SPEF2: variants seen among roughly 807,000 people sequenced by gnomAD.
SPEF2 encodes the protein sperm flagellar and cilia associated 2.
In SPEF2, 187 loss-of-function variants were observed where a neutral mutation model predicts 224.6. The observed-to-expected ratio is 0.83, with a 90% CI of 0.74 to 0.94. SPEF2 has a LOEUF of 0.94. SPEF2 is among the 40% of genes least tolerant of loss of function. The pLI is 0.00. For missense variants in SPEF2, 2,170 were observed against 2,135.6 expected (o/e 1.02, Z -0.32); for synonymous variants, 715 against 707.3 (o/e 1.01, Z -0.17).
At chr5:35,749,434 G>T (rs1229818751) in intron 23 of SPEF2, among the ~76,000 whole-genome samples, 4 of 152,014 alleles carry the variant, frequency 2.6e-5, no homozygotes, top group Non-Finnish European at 5.9e-5. Flanking sequence ...CTGACGATAT[G>T]ATCGTTTACC....
At chr5:35,646,642 A>G (rs1747407624) in intron 4 of SPEF2, 25 bp from the exon 5 acceptor site, 5 of 1,604,918 alleles carry the variant, frequency 3.1e-6, no homozygotes, top group Non-Finnish European at 4.3e-6. Context: ...CTGAATCACT[A>G]AACTAATGTA....
intron 3 of SPEF2, among the ~76,000 whole-genome samples, chr5:35,642,570 C>T (rs1327204852): frequency 6.6e-6 from 1 of 152,128 alleles, no homozygotes; most frequent in Non-Finnish European, 1.5e-5. Flanking sequence ...TAGTACAATG[C>T]TTCAAATGTT....
intron 30 of SPEF2, chr5:35,790,764 A>T (rs1315149029): frequency 6.4e-6 from 1 of 155,544 alleles, no homozygotes; most frequent in Non-Finnish European, 1.4e-5. Flanking sequence ...TGATAGTTGC[A>T]TTAGGTAATT....
At chr5:35,620,759 C>T (rs1235626278) in intron 1 of SPEF2, among the ~76,000 whole-genome samples, 1 of 152,034 alleles carries the variant, frequency 6.6e-6, no homozygotes, top group Non-Finnish European at 1.5e-5. Flanking sequence ...GTATTTTTGT[C>T]AAGTAAAAAC....
intron 30 of SPEF2, chr5:35,788,839 C>T (rs1755556874): frequency 1.4e-6 from 1 of 702,794 alleles, no homozygotes; most frequent in African/African-American, 1.7e-5. Context: ...TCAAAGACCT[C>T]CTTCACAGCA....
chr5:35,648,651 T>G (rs1246804095), intron 5 of SPEF2, among the ~76,000 whole-genome samples: 1 of 152,146 alleles, frequency 6.6e-6, no homozygotes, highest in Admixed American at 6.6e-5. Context: ...AAAAAGTGTT[T>G]GTAAAACACA....
At chr5:35,691,003 A>G (rs1754376061) in intron 10 of SPEF2, 34 bp from the exon 11 acceptor site, 1 of 1,567,600 alleles carries the variant, frequency 6.4e-7, no homozygotes, top group African/African-American at 1.4e-5. Flanking sequence ...CACTTTTCAG[A>G]ATATTTCTGT....
rs1457336745 is a variant in SPEF2 at position 35,713,917 on chromosome 5, TTA to T, written c.2914+1038_2914+1039del. Among the ~76,000 whole-genome samples, 61 of 107,450 alleles carry T rather than the reference TTA, an allele frequency of 5.7e-4. 14 individuals are homozygous for T. The highest frequency in any genetic ancestry group is 9.3e-4 in the Admixed American group (7 of 7,492). The allele number at this position is 107,450 out of a possible 152,430, so 70.5% of individuals were successfully genotyped here. On this transcript the variant is annotated intron_variant, in intron 20 of 36. Coordinates refer to ENST00000356031, the MANE Select transcript of SPEF2 (RefSeq NM_024867.4). Reference sequence around the variant, plus strand: ...TATGTTATATATAGTATTATATATTTTATATATAGTATATATGTTATATATAG... The same window carrying T: ...TATGTTATATATAGTATTATATATTTTATATAGTATATATGTTATATATAG...
intron 34 of SPEF2, among the ~76,000 whole-genome samples, chr5:35,806,210 A>G (rs1437729891): frequency 1.3e-5 from 2 of 152,126 alleles, no homozygotes; most frequent in African/African-American, 4.8e-5. Context: ...AAAAATCCCA[A>G]CCTGATTTTG....
At chr5:35,766,568 T>C (rs1165053657) in intron 26 of SPEF2, among the ~76,000 whole-genome samples, 1 of 152,008 alleles carries the variant, frequency 6.6e-6, no homozygotes, top group Non-Finnish European at 1.5e-5. Context: ...CTTAGCCAGA[T>C]GTTTATCAGT....
intron 11 of SPEF2, 86 bp from the exon 12 acceptor site, chr5:35,692,484 G>A: frequency 9.6e-7 from 1 of 1,038,472 alleles, no homozygotes; most frequent in Non-Finnish European, 1.4e-6. Context: ...GAAAGACAGT[G>A]TTATAGGACA....
chr5:35,727,271 A>G (rs1198705399), intron 20 of SPEF2, among the ~76,000 whole-genome samples: 2 of 152,278 alleles, frequency 1.3e-5, no homozygotes, highest in South Asian at 2.1e-4. Context: ...TCTCCAAGGG[A>G]TACCAAGAGC....
intron 19 of SPEF2, chr5:35,710,177 C>G (rs1453688580): frequency 1.0e-6 from 1 of 984,366 alleles, no homozygotes; most frequent in Non-Finnish European, 1.2e-6. Flanking sequence ...ATTAAACATA[C>G]ACCCTTTTCC....
intron 23 of SPEF2, among the ~76,000 whole-genome samples, chr5:35,750,227 A>G (rs1267817810): frequency 6.6e-6 from 1 of 152,126 alleles, no homozygotes; most frequent in Admixed American, 6.5e-5. Context: ...GGTCTTAAAC[A>G]TAAGACCTGA....
chr5:35,807,847 T>C, intron 36 of SPEF2: 2 of 1,513,434 alleles, frequency 1.3e-6, no homozygotes, highest in Non-Finnish European at 1.8e-6. Flanking sequence ...GCATCCACTA[T>C]GGCGAGTCCC....
intron 30 of SPEF2, among the ~76,000 whole-genome samples, chr5:35,782,522 T>C (rs950971840): frequency 3.9e-5 from 6 of 152,168 alleles, no homozygotes; most frequent in African/African-American, 1.4e-4. Context: ...TGGTAGGATT[T>C]TTTAGCAGAT....
chr5:35,736,699 G>A (rs1218338952), intron 21 of SPEF2, among the ~76,000 whole-genome samples: 1 of 152,184 alleles, frequency 6.6e-6, no homozygotes, highest in Admixed American at 6.5e-5. Flanking sequence ...TATCATGGAT[G>A]CCTAATGATT....
intron 1 of SPEF2, among the ~76,000 whole-genome samples, chr5:35,626,242 G>A (rs1171812534): frequency 3.3e-5 from 5 of 152,176 alleles, no homozygotes; most frequent in Middle Eastern, 3.4e-3. Context: ...ACATAGCTTC[G>A]GAAGGACAGA....
chr5:35,779,383 A>T, intron 30 of SPEF2, 37 bp downstream of exon 30: 1 of 1,516,710 alleles, frequency 6.6e-7, no homozygotes. Flanking sequence ...AGCACAAAAA[A>T]AGGTTAAGAT....
Sources: gnomAD v4.1 joint callset for allele counts (sites outside exome capture counted in the v4.1 genomes callset) on GRCh38, gnomAD v4.1.1 for gene constraint, MANE v1.5 for transcripts, NCBI Gene and HGNC (gene_info 2026-07-23, HGNC 2026-07-21) for gene names.